Variants in SIPA1L3 observed in about 807,000 individuals in gnomAD.
SIPA1L3 encodes the protein signal-induced proliferation-associated 1-like protein 3.
A neutral mutation model predicts 150.1 loss-of-function variants in SIPA1L3; 59 were observed. The ratio of observed to expected loss-of-function variants is 0.39; its 90% confidence interval spans 0.32 to 0.49. The LOEUF is 0.49. SIPA1L3 is among the 20% of genes least tolerant of loss of function. SIPA1L3 has a pLI of 0.86. For synonymous variants in SIPA1L3, 1,070 were observed against 1,077.6 expected, an observed-to-expected ratio of 0.99 and a Z score of 0.14; for missense variants, 2,211 against 2,489.5, an observed-to-expected ratio of 0.89 and a Z score of 2.38.
chr19:38,099,847 G>C, intron 4 of SIPA1L3, 115 bp from the exon 5 acceptor site: 2 of 910,696 alleles, frequency 2.2e-6, no homozygotes, highest in South Asian at 3.8e-5. Flanking sequence ...TGACCTTAGA[G>C]CACAAACTTC....
At position 38,164,675 on chromosome 19, in the gene SIPA1L3, C is replaced by A; in HGVS notation, c.3977C>A (p.Ala1326Asp). Residue 1326 changes from alanine to aspartate, a missense_variant, in exon 15 of 22, where the codon GCC becomes GAC. By Grantham distance (126) the Ala-to-Asp change is moderately radical (BLOSUM62 -2). This residue lies in a region of SIPA1L3 where 806 missense variants were observed against 870.1 expected (regional missense o/e 0.93). Coordinates refer to ENST00000222345, the MANE Select transcript of SIPA1L3 (RefSeq NM_015073.3). The surrounding 1 kb of genome is among the most constrained non-coding windows in gnomAD (Gnocchi z 4.1). ...TCCAGCCCTAGCTGCATGTCCCTGG[C>A]CAAGGCTCCACGGCCCGCCAAGCCA... ...YTSSPSCMSL[A>D]KAPRPAKPHK... The A allele has an allele frequency of 1.2e-6, 2 of 1,614,090 alleles. No individual in the cohort carries two copies. The highest frequency in any genetic ancestry group is 1.7e-6 in the Non-Finnish European group (2 of 1,179,980).
intron 10 of SIPA1L3, among the ~76,000 whole-genome samples, chr19:38,140,845 G>A (rs987294879): frequency 4.6e-5 from 7 of 151,998 alleles, no homozygotes; most frequent in Non-Finnish European, 8.8e-5. Context: ...ATAACCTGAG[G>A]TCAGGAGTTC....
chr19:37,998,361 A>C (rs1005964103), intron 1 of SIPA1L3, among the ~76,000 whole-genome samples: 2 of 152,202 alleles, frequency 1.3e-5, no homozygotes, highest in African/African-American at 4.8e-5. Flanking sequence ...ATGTGGTAGG[A>C]CATAGTAATT....
chr19:38,055,662 A>G (rs1004968819), intron 2 of SIPA1L3, among the ~76,000 whole-genome samples: 4 of 152,244 alleles, frequency 2.6e-5, no homozygotes, highest in African/African-American at 4.8e-5. Context: ...TTTGACAACC[A>G]GCAGTGGAGC....
rs1970984776 is a variant in SIPA1L3 at position 38,120,194 on chromosome 19, C to T, written c.2868+312C>T. On this transcript the variant is annotated intron_variant, in intron 9 of 21. Transcript: ENST00000222345. ...AAAATGTAGGCCAGGCGCCATGGCT[C>T]ATACCTGTAATCTATCTCAGCACTT... Among the ~76,000 whole-genome samples, 3 of 151,924 alleles carry T rather than the reference C, an allele frequency of 2.0e-5. No individual in the cohort carries two copies. In the South Asian group the frequency reaches 6.2e-4, roughly 31 times the overall value.
chr19:38,127,956 G>C (rs1168014835), intron 9 of SIPA1L3, among the ~76,000 whole-genome samples: 1 of 151,736 alleles, frequency 6.6e-6, no homozygotes, highest in Non-Finnish European at 1.5e-5. Context: ...GGTACCCGCA[G>C]GTTCTGTATC....
At chr19:38,000,438 A>C (rs915479526) in intron 1 of SIPA1L3, among the ~76,000 whole-genome samples, 1 of 148,806 alleles carries the variant, frequency 6.7e-6, no homozygotes, top group Non-Finnish European at 1.5e-5. Flanking sequence ...ACTGCATTCC[A>C]GCCTGGGCAA....
intron 1 of SIPA1L3, among the ~76,000 whole-genome samples, chr19:37,987,156 G>C (rs1056929693): frequency 3.3e-5 from 5 of 152,010 alleles, no homozygotes; most frequent in African/African-American, 1.2e-4. Flanking sequence ...TCAAACTCCC[G>C]ACCTCAGGTG....
At chr19:38,105,003 A>G (rs1376178215) in intron 6 of SIPA1L3, among the ~76,000 whole-genome samples, 1 of 152,076 alleles carries the variant, frequency 6.6e-6, no homozygotes, top group African/African-American at 2.4e-5. Flanking sequence ...TGGCTCTGGC[A>G]CTGGCAGCTG....
chr19:38,075,954 A>G (rs1485010082), intron 2 of SIPA1L3, among the ~76,000 whole-genome samples: 2 of 152,076 alleles, frequency 1.3e-5, no homozygotes, highest in Admixed American at 6.6e-5. Context: ...CCATCCTAAC[A>G]TGGTGAAACC....
intron 1 of SIPA1L3, among the ~76,000 whole-genome samples, chr19:38,020,337 T>C (rs1968346455): frequency 6.6e-6 from 1 of 152,134 alleles, no homozygotes; most frequent in African/African-American, 2.4e-5. Flanking sequence ...CAATGTGTTA[T>C]GAATAAGAGG....
At chr19:38,049,769 G>A (rs1290902031) in intron 2 of SIPA1L3, among the ~76,000 whole-genome samples, 1 of 152,078 alleles carries the variant, frequency 6.6e-6, no homozygotes, top group African/African-American at 2.4e-5. Context: ...GCTCTGACCC[G>A]CGTTCCCCCG....
At chr19:37,984,050 T>C (rs1264799335) in intron 1 of SIPA1L3, among the ~76,000 whole-genome samples, 2 of 152,036 alleles carry the variant, frequency 1.3e-5, no homozygotes, top group African/African-American at 2.4e-5. Context: ...GTGGGAGAAG[T>C]TGGGAGAAAG....
chr19:37,958,177 C>G (rs1366545894), intron 1 of SIPA1L3, among the ~76,000 whole-genome samples: 1 of 152,066 alleles, frequency 6.6e-6, no homozygotes, highest in African/African-American at 2.4e-5. Flanking sequence ...CTCATGCCTG[C>G]AATCCCAGCC....
At position 37,911,795 on chromosome 19, in the gene SIPA1L3, G is replaced by T. The variant is rs897731855; in HGVS notation, c.-379+4437G>T. The stretch of plus-strand genomic sequence containing the variant: ...ATTACAAGCGTGAGCCACCGCGCCT[G>T]GCCCCTCTGAGATTTCTTTACCTCA... On this transcript the variant is annotated intron_variant, in intron 1 of 21. Coordinates refer to ENST00000222345, the MANE Select transcript of SIPA1L3 (RefSeq NM_015073.3). Among the ~76,000 whole-genome samples the T allele has an allele frequency of 3.9e-5, 6 of 152,116 alleles. No individual in the cohort carries two copies. In the South Asian group the frequency reaches 1.2e-3, roughly 32 times the overall value.
At chr19:38,040,050 C>T (rs1968879419) in intron 2 of SIPA1L3, among the ~76,000 whole-genome samples, 1 of 152,128 alleles carries the variant, frequency 6.6e-6, no homozygotes, top group Non-Finnish European at 1.5e-5. Context: ...GAGGTAGAGG[C>T]TGCAGTGAGT....
intron 1 of SIPA1L3, among the ~76,000 whole-genome samples, chr19:37,911,406 G>A (rs1167397269): frequency 6.6e-6 from 1 of 152,012 alleles, no homozygotes; most frequent in Non-Finnish European, 1.5e-5. Context: ...TATAGATCTG[G>A]CTTATCCTTT....
Position 38,164,821 on chromosome 19 carries a change from G to C in SIPA1L3, c.4123G>C (p.Gly1375Arg), listed in dbSNP as rs963800898. The C allele has an allele frequency of 6.2e-7, 1 of 1,610,480 alleles. No individual in the cohort carries two copies. Among genetic ancestry groups the C allele is most frequent in the Admixed American group, 1.7e-5 (1 of 59,868 alleles). The change falls in exon 15 of 22, where the codon GGC (glycine) becomes CGC (arginine). Residue 1375 changes from glycine to arginine, a missense_variant. Around this residue, in one of 5 missense-constraint regions of SIPA1L3, gnomAD observed 806 missense variants for 870.1 expected, o/e 0.93. Transcript: ENST00000222345. This position sits in a 1 kb window ranked among gnomAD's most constrained non-coding sequence, Gnocchi z 4.1. Reference protein sequence around the residue: ...PAPAVAGQSKGYRPKLYSSGS... With the variant: ...PAPAVAGQSKRYRPKLYSSGS... ...CCCCGCAGTTGCCGGCCAAAGCAAG[G>C]GCTACCGACCGAAGCTGTACTCCTC...
chr19:37,913,696 TTTTC>T lies in SIPA1L3; in HGVS notation c.-379+6346_-379+6349del, dbSNP rs1247572164. On this transcript the variant is annotated intron_variant, in intron 1 of 21. Transcript: ENST00000222345. ...CAGGCGTGAGCCACTGTGCCCAGCC[TTTTC>T]TTTCTTTTTTTTTTTTTTAATTAAA... 3.9e-3 allele frequency among the ~76,000 whole-genome samples: 564 copies of T among 146,384 alleles called. 2 individuals are homozygous for T. Among genetic ancestry groups the T allele is most frequent in the African/African-American group, 0.013 (545 of 40,506 alleles).
Sources: allele counts gnomAD v4.1 joint callset (sites outside exome capture counted in the v4.1 genomes callset), GRCh38; gene constraint gnomAD v4.1.1; regional missense constraint gnomAD v4.1.1; non-coding constraint Gnocchi (gnomAD v3.1); transcripts MANE v1.5; gene names NCBI Gene and HGNC (gene_info 2026-07-23, HGNC 2026-07-21).